The following PTPMT1 variants were observed in gnomAD, a reference collection of about 807,000 sequenced individuals.
PTPMT1 encodes phosphatidylglycerophosphatase and protein-tyrosine phosphatase 1.
In PTPMT1, 12 loss-of-function variants were observed where a neutral mutation model predicts 17.8. The ratio of observed to expected loss-of-function variants is 0.67; its 90% CI spans 0.43 to 1.09. PTPMT1 has a LOEUF of 1.09. Among genes scored for constraint, PTPMT1 ranks in the 50% least tolerant of loss-of-function variants. PTPMT1 has a pLI of 0.00. For missense variants in PTPMT1, 262 were observed against 266.0 expected (o/e 0.99, Z 0.10); for synonymous variants, 132 against 116.8 (o/e 1.13, Z -0.84).
At chr11:47,567,820 A>C (rs2097247088) in intron 2 of PTPMT1, among the ~76,000 whole-genome samples, 2 of 152,128 alleles carry the variant, frequency 1.3e-5, no homozygotes, top group African/African-American at 4.8e-5. Context: ...TTGGCCTCTC[A>C]AAATCTGGGA....
intron 2 of PTPMT1, among the ~76,000 whole-genome samples, chr11:47,567,865 T>C (rs2097247129): frequency 6.6e-6 from 1 of 152,110 alleles, no homozygotes; most frequent in Admixed American, 6.6e-5. Context: ...GGCCACCTAT[T>C]TCTTCTAAGT....
chr11:47,566,703 C>A (rs1341309402), intron 2 of PTPMT1, among the ~76,000 whole-genome samples: 1 of 152,050 alleles, frequency 6.6e-6, no homozygotes, highest in African/African-American at 2.4e-5. Context: ...AAGGCCCTGC[C>A]AACTGTAAGA....
intron 2 of PTPMT1, among the ~76,000 whole-genome samples, chr11:47,566,982 C>T (rs2097245473): frequency 6.6e-6 from 1 of 151,944 alleles, no homozygotes; most frequent in African/African-American, 2.4e-5. Flanking sequence ...TTTAATGTTG[C>T]CCTATCTTTA....
chr11:47,571,140 G>A (rs566081977), intron 3 of PTPMT1, among the ~76,000 whole-genome samples: 6 of 152,262 alleles, frequency 3.9e-5, no homozygotes, highest in South Asian at 2.1e-4. Flanking sequence ...AGCCCAGCTC[G>A]GAGAGGACGT....
At chr11:47,568,468 GA>G (rs1419192660) in intron 2 of PTPMT1, among the ~76,000 whole-genome samples, 2 of 151,974 alleles carry the variant, frequency 1.3e-5, no homozygotes, top group Non-Finnish European at 2.9e-5. Context: ...TTGAGGCTAG[GA>G]GATTGAGACC....
At position 47,569,850 on chromosome 11, in the gene PTPMT1, C is replaced by A; in HGVS notation, c.406C>A (p.Arg136Ser). 1 of 1,613,688 alleles carries A rather than the reference C, an allele frequency of 6.2e-7. No homozygotes were observed. Among genetic ancestry groups the A allele is most frequent in the Non-Finnish European group, 8.5e-7 (1 of 1,179,982 alleles). The change falls in exon 3 of 4, where the codon CGC becomes AGC. Residue 136 changes from arginine to serine, a missense_variant. By Grantham distance (110) the Arg-to-Ser change is moderately radical (BLOSUM62 -1). Coordinates refer to ENST00000326674, the MANE Select transcript of PTPMT1 (RefSeq NM_175732.3). ...QCVYVHCKAG[R>S]SRSATMVAAY... is the part of the protein sequence containing the mutation. Reference sequence around the variant, plus strand: ...TGTTTACGTGCATTGTAAGGCTGGGCGCTCCAGGAGTGCCACTATGGTGGC... The same window carrying A: ...TGTTTACGTGCATTGTAAGGCTGGGAGCTCCAGGAGTGCCACTATGGTGGC...
chr11:47,566,187 C>T (rs1254765453), intron 2 of PTPMT1, among the ~76,000 whole-genome samples: 19 of 152,002 alleles, frequency 1.2e-4, no homozygotes, highest in Admixed American at 1.2e-3. Flanking sequence ...TTTAAAAGTT[C>T]AAGTTGGGCC....
rs772041571 is a variant in PTPMT1, at chr11:47,571,670, T to C, written c.*41T>C. The C allele has an allele frequency of 2.5e-6, 4 of 1,597,486 alleles. No homozygotes were observed. Among genetic ancestry groups the C allele is most frequent in the Non-Finnish European group, 3.4e-6 (4 of 1,168,956 alleles). ...AAGAACTCAAGACACTCCTGCTTGA[T>C]ACAGAACAAAAAGAGCTTAACAGGA... On this transcript the variant is annotated 3_prime_UTR_variant, in exon 4 of 4. Transcript: ENST00000326674.
At position 47,572,848 on chromosome 11, in the gene PTPMT1, A is replaced by C. The variant is rs1008248041; in HGVS notation, c.*1219A>C. 6.9e-7 allele frequency: 1 copy of C among 1,457,538 alleles called. No homozygotes were observed. Among genetic ancestry groups the C allele is most frequent in the African/African-American group, 1.4e-5 (1 of 70,626 alleles). 90.3% of individuals were successfully genotyped at this position (1,457,538 alleles called of 1,614,324 possible). A position where few individuals can be genotyped will look rare whatever the true frequency, so the allele number is the denominator to read the frequency against. On this transcript the variant is annotated 3_prime_UTR_variant, in exon 4 of 4. Coordinates refer to ENST00000326674, the MANE Select transcript of PTPMT1 (RefSeq NM_175732.3). ...TCTAGTATGTGCCAAAAAAAACATA[A>C]CTCTGAATTGGGGCCCAGGGGACTT...
Position 47,567,774 on chromosome 11 carries a change from C to T in PTPMT1, c.255+1788C>T, listed in dbSNP as rs971419558. Among the ~76,000 whole-genome samples, 4 of 151,336 alleles carry T rather than the reference C, an allele frequency of 2.6e-5. No homozygotes were observed. In the East Asian group the frequency reaches 5.9e-4, roughly 22 times the overall value. On this transcript the variant is annotated intron_variant, in intron 2 of 3. Coordinates refer to ENST00000326674, the MANE Select transcript of PTPMT1 (RefSeq NM_175732.3). Reference sequence around the variant, plus strand: ...AGGGTTTTGCCATGCTGGCCAAAGTCGTCTCGAACTCCTGACCTCAGGTGA... The same window carrying T: ...AGGGTTTTGCCATGCTGGCCAAAGTTGTCTCGAACTCCTGACCTCAGGTGA...
At chr11:47,568,887 C>T (rs1375905689) in intron 2 of PTPMT1, among the ~76,000 whole-genome samples, 2 of 151,768 alleles carry the variant, frequency 1.3e-5, no homozygotes, top group African/African-American at 4.8e-5. Flanking sequence ...GACAGGGTTT[C>T]CCCATGTTAG....
rs1374687278 is a variant in PTPMT1, at chr11:47,572,151, C to T, written c.*522C>T. The T allele has an allele frequency of 6.5e-6, 1 of 153,170 alleles. No homozygotes were observed. Among genetic ancestry groups the T allele is most frequent in the East Asian group, 1.9e-4 (1 of 5,208 alleles). 9.5% of individuals were successfully genotyped at this position (153,170 alleles called of 1,614,324 possible). A position where few individuals can be genotyped will look rare whatever the true frequency, so the allele number is the denominator to read the frequency against. On this transcript the variant is annotated 3_prime_UTR_variant, in exon 4 of 4. Transcript: ENST00000326674. ...TTCCCCTGAGGGAATGAAACACCCT[C>T]ACCCCTTCAAAGTCACCCCTTTGGA...
At position 47,569,731 on chromosome 11, in the gene PTPMT1, G is replaced by A. The variant is rs756699952; in HGVS notation, c.287G>A (p.Arg96Gln). 1.6e-5 allele frequency: 25 copies of A among 1,612,792 alleles called. No individual in the cohort carries two copies. Among genetic ancestry groups the A allele is most frequent in the South Asian group, 2.2e-5 (2 of 90,936 alleles). ...AAGAGACTAGGAGTCGAGCAGCTGCGGCTCAGCACAGTAGACATGACTGGG... is the reference window on the plus strand; with the variant it reads ...AAGAGACTAGGAGTCGAGCAGCTGCAGCTCAGCACAGTAGACATGACTGGG... ...EWKRLGVEQL[R>Q]LSTVDMTGIP... The change falls in exon 3 of 4, where the codon CGG becomes CAG. Residue 96 changes from arginine to glutamine, a missense_variant. Coordinates refer to ENST00000326674, the MANE Select transcript of PTPMT1 (RefSeq NM_175732.3).
chr11:47,570,541 A>G (rs2097249044), intron 3 of PTPMT1, among the ~76,000 whole-genome samples: 1 of 152,246 alleles, frequency 6.6e-6, no homozygotes, highest in Non-Finnish European at 1.5e-5. Context: ...AAGGCTAGAC[A>G]CTTGTTCTAA....
At position 47,571,773 on chromosome 11, in the gene PTPMT1, GTTTT is replaced by G; in HGVS notation, c.*145_*148del. Reference sequence around the variant, plus strand: ...TAGGTAATTTTTCTTTCTCTGACTTGTTTTGTTTTCTTGAAATAACACTGTTGTG... The same window carrying G: ...TAGGTAATTTTTCTTTCTCTGACTTGGTTTTCTTGAAATAACACTGTTGTG... On this transcript the variant is annotated 3_prime_UTR_variant, in exon 4 of 4. Transcript: ENST00000326674. 1.4e-6 allele frequency: 1 copy of G among 735,464 alleles called. No individual in the cohort carries two copies. Among genetic ancestry groups the G allele is most frequent in the Non-Finnish European group, 2.2e-6 (1 of 446,642 alleles). The allele number at this position is 735,464 out of a possible 1,614,324, so 45.6% of individuals were successfully genotyped here.
At chr11:47,567,407 A>AC (rs2097246501) in intron 2 of PTPMT1, among the ~76,000 whole-genome samples, 1 of 148,816 alleles carries the variant, frequency 6.7e-6, no homozygotes, top group Non-Finnish European at 1.5e-5. Flanking sequence ...CTCCGTCTCA[A>AC]AAAAAAAAAA....
intron 2 of PTPMT1, among the ~76,000 whole-genome samples, chr11:47,568,848 G>A (rs1260535983): frequency 1.3e-5 from 2 of 151,816 alleles, no homozygotes; most frequent in Non-Finnish European, 2.9e-5. Context: ...CCACCACCAC[G>A]CATGGCTAAT....
In PTPMT1 at chr11:47,573,376, C is replaced by A; in HGVS notation, c.*1747C>A. On this transcript the variant is annotated 3_prime_UTR_variant, in exon 4 of 4. Coordinates refer to ENST00000326674, the MANE Select transcript of PTPMT1 (RefSeq NM_175732.3). This position sits in a 1 kb window ranked among gnomAD's most constrained non-coding sequence, Gnocchi z 4.1. ...ATCCCGTTGAGGTTGGCACCAGCAG[C>A]CCCTGACACAGCCACCTCTAGCTGA... The A allele has an allele frequency of 6.2e-7, 1 of 1,614,220 alleles. No individual in the cohort carries two copies.
At chr11:47,566,028 C>G (rs749605166) in intron 2 of PTPMT1, 42 bp downstream of exon 2, 1 of 1,513,932 alleles carries the variant, frequency 6.6e-7, no homozygotes, top group Non-Finnish European at 8.8e-7. Flanking sequence ...GGCCCGCTCC[C>G]CCTCGCCCAC....
Sources: allele counts gnomAD v4.1 joint callset (sites outside exome capture counted in the v4.1 genomes callset), GRCh38; gene constraint gnomAD v4.1.1; non-coding constraint Gnocchi (gnomAD v3.1); transcripts MANE v1.5; gene names NCBI Gene and HGNC (gene_info 2026-07-23, HGNC 2026-07-21).